LEPR: variants seen among roughly 807,000 people sequenced by gnomAD.
LEPR encodes the protein OB receptor.
A neutral mutation model predicts 114.7 loss-of-function variants in LEPR; 56 were observed. The observed-to-expected ratio is 0.49, with a 90% CI of 0.39 to 0.61. The LOEUF (loss-of-function observed/expected upper bound fraction) is 0.61. Among genes scored for constraint, LEPR ranks in the 20% least tolerant of loss-of-function variants. LEPR has a pLI of 0.00. For synonymous variants in LEPR, 443 were observed against 461.4 expected (o/e 0.96, Z 0.51); for missense variants, 1,202 against 1,352.9 (o/e 0.89, Z 1.75).
At chr1:65,525,654 C>A in intron 2 of LEPR, 1 of 985,698 alleles carries the variant, frequency 1.0e-6, no homozygotes, top group Non-Finnish European at 1.2e-6. Context: ...CCCACGCACT[C>A]GGCTGCCCTC....
intron 9 of LEPR, 77 bp from the exon 10 acceptor site, chr1:65,601,766 G>A (rs1172693833): frequency 1.9e-6 from 3 of 1,591,888 alleles, no homozygotes; most frequent in Middle Eastern, 1.8e-4. Context: ...TCCTGTTAAA[G>A]ATGTAAGAAA....
chr1:65,519,149 TTCCTTTCC>T (rs1170207824), intron 2 of LEPR, among the ~76,000 whole-genome samples: 2 of 144,274 alleles, frequency 1.4e-5, no homozygotes, highest in African/African-American at 5.2e-5. Flanking sequence ...CCTTCCTTCC[TTCCTTTCC>T]TTCCTTCCTT....
At chr1:65,615,170 T>G (rs1252142331) in intron 14 of LEPR, among the ~76,000 whole-genome samples, 1 of 152,204 alleles carries the variant, frequency 6.6e-6, no homozygotes, top group Non-Finnish European at 1.5e-5. Flanking sequence ...TTCTCTGCCA[T>G]TTCTAACTTA....
At chr1:65,621,499 T>C (rs748476779) in intron 18 of LEPR, 41 bp downstream of exon 18, 7 of 1,536,704 alleles carry the variant, frequency 4.6e-6, no homozygotes, top group Non-Finnish European at 6.3e-6. Flanking sequence ...GCAAAAGTCC[T>C]TACGCGTATT....
At chr1:65,526,036 C>T (rs149095037) in intron 2 of LEPR, 1 of 897,320 alleles carries the variant, frequency 1.1e-6, no homozygotes, top group African/African-American at 1.8e-5. Context: ...TCTCGGCTCC[C>T]GTGGGGCGAG....
At chr1:65,424,906 G>A (rs1203201707) in intron 1 of LEPR, among the ~76,000 whole-genome samples, 1 of 152,218 alleles carries the variant, frequency 6.6e-6, no homozygotes, top group Non-Finnish European at 1.5e-5. Context: ...ATCTCACGGT[G>A]AGAGGGATGG....
chr1:65,463,684 C>G (rs139798668), intron 2 of LEPR, among the ~76,000 whole-genome samples: 2,991 of 152,180 alleles, frequency 0.02, 116 homozygotes, highest in African/African-American at 0.068. Context: ...TTGTTTGTGT[C>G]CTCTTTTATT....
chr1:65,450,787 C>T lies in LEPR; in HGVS notation c.-21+25409C>T, dbSNP rs796989718. Among the ~76,000 whole-genome samples, 4 of 151,756 alleles carry T rather than the reference C, an allele frequency of 2.6e-5. No homozygotes were observed. The East Asian group carries it at 7.7e-4, about 29-fold the overall frequency. ...CATGATTTATAGTCCTTTGGGTATA[C>T]ACCCAGTAATGGGATGGCTGGGTCA... On this transcript the variant is annotated intron_variant, in intron 2 of 19. Transcript: ENST00000349533.
chr1:65,554,848 C>T (rs907110789), intron 2 of LEPR, among the ~76,000 whole-genome samples: 2 of 152,034 alleles, frequency 1.3e-5, no homozygotes, highest in South Asian at 2.1e-4. Context: ...GGTGTAGGCA[C>T]CCGAGGGAAT....
intron 3 of LEPR, among the ~76,000 whole-genome samples, chr1:65,566,051 A>G (rs1291143329): frequency 2.0e-5 from 3 of 152,172 alleles, no homozygotes; most frequent in African/African-American, 2.4e-5. Context: ...TAATGGTTGC[A>G]TGACAATGCA....
chr1:65,450,221 T>C (rs993059213), intron 2 of LEPR, among the ~76,000 whole-genome samples: 10 of 152,158 alleles, frequency 6.6e-5, no homozygotes, highest in Non-Finnish European at 1.5e-4. Flanking sequence ...TCTGCAAAAG[T>C]TGGATGAAGT....
At chr1:65,434,300 T>A in intron 2 of LEPR, 1 of 983,620 alleles carries the variant, frequency 1.0e-6, no homozygotes, top group Non-Finnish European at 1.2e-6. Context: ...ATGTTGGACA[T>A]TTTTTTCCTT....
At chr1:65,552,699 C>T (rs1443581634) in intron 2 of LEPR, among the ~76,000 whole-genome samples, 6 of 152,086 alleles carry the variant, frequency 3.9e-5, no homozygotes, top group Non-Finnish European at 7.4e-5. Flanking sequence ...TTAATTGGGG[C>T]ATTTAGCCCA....
At chr1:65,424,230 A>G (rs540955740) in intron 1 of LEPR, among the ~76,000 whole-genome samples, 1 of 152,382 alleles carries the variant, frequency 6.6e-6, no homozygotes, top group South Asian at 2.1e-4. Flanking sequence ...TATTTTATTC[A>G]GTGCACACTA....
intron 2 of LEPR, chr1:65,435,387 A>AGGCAGAG: frequency 2.6e-6 from 2 of 756,944 alleles, no homozygotes; most frequent in Non-Finnish European, 3.0e-6. Flanking sequence ...TTTTTTTTTG[A>AGGCAGAG]GGCAGAGTCT....
chr1:65,547,050 A>T (rs1261942913), intron 2 of LEPR, among the ~76,000 whole-genome samples: 1 of 152,066 alleles, frequency 6.6e-6, no homozygotes, highest in Admixed American at 6.5e-5. Context: ...CCTTTTCTGC[A>T]TCTATTGAGA....
chr1:65,634,240 C>T (rs1188780816), intron 19 of LEPR: 1 of 962,594 alleles, frequency 1.0e-6, no homozygotes, highest in Non-Finnish European at 1.2e-6. Context: ...ATATGGATCC[C>T]TTATATTTAG....
chr1:65,469,644 A>G (rs1440950758), intron 2 of LEPR, among the ~76,000 whole-genome samples: 2 of 152,194 alleles, frequency 1.3e-5, no homozygotes, highest in African/African-American at 4.8e-5. Flanking sequence ...AGTTAGAATG[A>G]TTGGGTTAAG....
rs183470094 is a variant in LEPR at position 65,533,833 on chromosome 1, T to C, written c.-20-31713T>C. Among the ~76,000 whole-genome samples, 24 of 152,300 alleles carry C rather than the reference T, an allele frequency of 1.6e-4. No homozygotes were observed. In the East Asian group the frequency reaches 4.6e-3, roughly 29 times the overall value. Reference sequence around the variant, plus strand: ...CTTCTTGATTTCTAATGTTTCTTTTTGCATTAAAGCCTATTTTGTATGATA... The same window carrying C: ...CTTCTTGATTTCTAATGTTTCTTTTCGCATTAAAGCCTATTTTGTATGATA... On this transcript the variant is annotated intron_variant, in intron 2 of 19. Transcript: ENST00000349533.
Sources: allele counts gnomAD v4.1 joint callset (sites outside exome capture counted in the v4.1 genomes callset), GRCh38; gene constraint gnomAD v4.1.1; transcripts MANE v1.5; gene names NCBI Gene and HGNC (gene_info 2026-07-23, HGNC 2026-07-21).